The following TULP4 variants were observed in gnomAD, a reference collection of about 807,000 sequenced individuals.
TULP4 encodes TUB like protein 4, also known as tubby-related protein 4.
Under a neutral mutation model 129.0 loss-of-function variants are expected in TULP4, and 16 were observed. The observed-to-expected ratio is 0.12, with a 90% CI of 0.08 to 0.19. The LOEUF is 0.19. Ranked by LOEUF, TULP4 falls within the 10% of genes least tolerant of loss-of-function variation. TULP4 has a pLI of 1.00. For synonymous variants in TULP4, 998 were observed against 854.0 expected, an observed-to-expected ratio of 1.17 and a Z score of -2.94; for missense variants, 1,842 against 2,059.1, an observed-to-expected ratio of 0.89 and a Z score of 2.04.
At chr6:158,491,511 TC>T (rs1780208548) in intron 9 of TULP4, among the ~76,000 whole-genome samples, 1 of 41,186 alleles carries the variant, frequency 2.4e-5, no homozygotes, top group Non-Finnish European at 4.5e-5. Flanking sequence ...TTTCTTTCTT[TC>T]TTTCTTGTCT....
At chr6:158,293,428 G>A (rs563721096) in intron 1 of TULP4, among the ~76,000 whole-genome samples, 1 of 152,344 alleles carries the variant, frequency 6.6e-6, no homozygotes, top group East Asian at 1.9e-4. Context: ...ACTTAATTCA[G>A]TGCAGGGGTA....
chr6:158,425,513 C>CAAA (rs35469800), intron 2 of TULP4, among the ~76,000 whole-genome samples: 32 of 61,880 alleles, frequency 5.2e-4, no homozygotes, highest in African/African-American at 2.8e-3. Context: ...AACTCCGTCT[C>CAAA]AAAAAAAAAA....
intron 7 of TULP4, 50 bp from the exon 8 acceptor site, chr6:158,481,005 C>T: frequency 6.7e-7 from 1 of 1,502,272 alleles, no homozygotes; most frequent in Non-Finnish European, 8.9e-7. Context: ...TTCCCTCTCT[C>T]TCTGCCTCTC....
chr6:158,451,408 G>C (rs1219873661), intron 4 of TULP4, among the ~76,000 whole-genome samples: 1 of 152,234 alleles, frequency 6.6e-6, no homozygotes. Context: ...AGCCCAGTGT[G>C]GCTGTGAAGC....
intron 6 of TULP4, among the ~76,000 whole-genome samples, chr6:158,474,690 T>A (rs1779775821): frequency 6.6e-6 from 1 of 152,194 alleles, no homozygotes; most frequent in Admixed American, 6.5e-5. Flanking sequence ...ACAGGTTGAG[T>A]ACTCCTTATC....
At chr6:158,366,726 C>G (rs924068724) in intron 1 of TULP4, among the ~76,000 whole-genome samples, 1 of 152,198 alleles carries the variant, frequency 6.6e-6, no homozygotes, top group Non-Finnish European at 1.5e-5. Context: ...TTCCATCCTC[C>G]CATCTATCAT....
intron 6 of TULP4, among the ~76,000 whole-genome samples, chr6:158,469,376 C>T (rs1214548802): frequency 1.3e-5 from 2 of 151,748 alleles, no homozygotes; most frequent in East Asian, 3.9e-4. Flanking sequence ...TGGGTTCAAG[C>T]GATTCTCCCA....
intron 4 of TULP4, among the ~76,000 whole-genome samples, chr6:158,449,937 C>T (rs866838075): frequency 3.3e-5 from 5 of 152,202 alleles, no homozygotes; most frequent in East Asian, 1.9e-4. Context: ...TGTGATATTT[C>T]GATACACATA....
intron 1 of TULP4, among the ~76,000 whole-genome samples, chr6:158,395,000 A>G (rs1377390306): frequency 6.6e-6 from 1 of 152,030 alleles, no homozygotes; most frequent in Non-Finnish European, 1.5e-5. Context: ...GAAGTGCCAC[A>G]CACTTTTAAA....
chr6:158,502,756 A>C lies in TULP4; in HGVS notation c.3093A>C (p.Pro1031=). Residue 1031 remains proline (P), a synonymous_variant, in exon 13 of 14, where the codon CCA becomes CCC. Transcript: ENST00000367097. The part of the protein sequence containing the change: ...GVVTQLPARP[P]PALYTCSQCS... ...TGACACAGCTCCCAGCGCGGCCCCC[A>C]CCTGCCCTGTACACCTGCAGTCAGT... The C allele has an allele frequency of 6.3e-7, 1 of 1,597,684 alleles. No individual in the cohort carries two copies. The highest frequency in any genetic ancestry group is 8.5e-7 in the Non-Finnish European group (1 of 1,175,228).
intron 12 of TULP4, among the ~76,000 whole-genome samples, chr6:158,500,894 A>G (rs1217647166): frequency 1.3e-5 from 2 of 152,174 alleles, no homozygotes; most frequent in Admixed American, 6.5e-5. Context: ...GCAAAACCCC[A>G]TATCTACTAA....
chr6:158,503,579 G>A lies in TULP4; in HGVS notation c.3916G>A (p.Glu1306Lys), dbSNP rs1780524626. The A allele has an allele frequency of 3.1e-6, 5 of 1,613,918 alleles. No homozygotes were observed. Among genetic ancestry groups the A allele is most frequent in the Non-Finnish European group, 4.2e-6 (5 of 1,180,018 alleles). Residue 1306 changes from glutamate to lysine, a missense_variant, in exon 13 of 14, where the codon GAG (glutamate) becomes AAG (lysine). Transcript: ENST00000367097. The surrounding 1 kb of genome is among the most constrained non-coding windows in gnomAD (Gnocchi z 4.3). ...PADLQSHLGT[E>K]VMVETADNFQ... The stretch of plus-strand genomic sequence containing the variant: ...CGACCTCCAAAGCCACTTGGGCACA[G>A]AGGTGATGGTAGAGACTGCAGACAA...
At chr6:158,288,721 C>A (rs1014043836) in intron 1 of TULP4, among the ~76,000 whole-genome samples, 1 of 152,166 alleles carries the variant, frequency 6.6e-6, no homozygotes, top group African/African-American at 2.4e-5. Context: ...AGGATGGTCT[C>A]GATCTCCTGA....
At chr6:158,405,015 A>G (rs1777946604) in intron 1 of TULP4, among the ~76,000 whole-genome samples, 1 of 152,200 alleles carries the variant, frequency 6.6e-6, no homozygotes, top group Admixed American at 6.5e-5. Context: ...GAGAGAGTTT[A>G]ACCTTCTTTC....
intron 5 of TULP4, among the ~76,000 whole-genome samples, chr6:158,455,571 T>C (rs1029523381): frequency 3.3e-5 from 5 of 151,990 alleles, no homozygotes; most frequent in African/African-American, 1.2e-4. Context: ...ACCTTGTCTC[T>C]ACTGAAAGTA....
intron 1 of TULP4, among the ~76,000 whole-genome samples, chr6:158,253,149 G>A (rs1164334004): frequency 4.6e-5 from 7 of 152,152 alleles, no homozygotes; most frequent in Non-Finnish European, 1.0e-4. Context: ...CTCTCACTCT[G>A]CTGTCTCGTT....
At chr6:158,429,435 G>C (rs1416833481) in intron 2 of TULP4, among the ~76,000 whole-genome samples, 4 of 152,126 alleles carry the variant, frequency 2.6e-5, no homozygotes, top group African/African-American at 7.2e-5. Context: ...CACTTTACCC[G>C]GCCCCGACTA....
In TULP4 at chr6:158,333,747, A is replaced by G. The variant is rs190751109; in HGVS notation, c.252+19479A>G. On this transcript the variant is annotated intron_variant, in intron 1 of 13. Transcript: ENST00000367097. ...AATTAAGAAAACGTGTCATGAATGCATAAAATAAATGCAGGTACTGTTCTA... is the reference window on the plus strand; with the variant it reads ...AATTAAGAAAACGTGTCATGAATGCGTAAAATAAATGCAGGTACTGTTCTA... Among the ~76,000 whole-genome samples the G allele has an allele frequency of 5.6e-4, 86 of 152,346 alleles. No homozygotes were observed. The East Asian group carries it at 0.014, about 25-fold the overall frequency.
At chr6:158,238,919 GC>G (rs1290489606) in intron 1 of TULP4, among the ~76,000 whole-genome samples, 4 of 123,482 alleles carry the variant, frequency 3.2e-5, no homozygotes, top group Non-Finnish European at 7.2e-5. Flanking sequence ...TGTCATCCTG[GC>G]CCGTTCTCAA....
Sources: allele counts gnomAD v4.1 joint callset (sites outside exome capture counted in the v4.1 genomes callset), GRCh38; gene constraint gnomAD v4.1.1; non-coding constraint Gnocchi (gnomAD v3.1); transcripts MANE v1.5; gene names NCBI Gene and HGNC (gene_info 2026-07-23, HGNC 2026-07-21).